Variants in COPS8 observed in about 807,000 individuals in gnomAD.
The protein encoded by COPS8 is COP9 signalosome subunit 8.
A neutral mutation model predicts 31.5 loss-of-function variants in COPS8; 11 were observed. The observed-to-expected ratio is 0.35, with a 90% CI of 0.22 to 0.58. COPS8 has a LOEUF of 0.58. Ranked by LOEUF, COPS8 falls within the 20% of genes least tolerant of loss-of-function variation. The pLI, the probability that COPS8 is intolerant of heterozygous loss-of-function variation, is 0.83. For missense variants in COPS8, 215 were observed against 255.1 expected (o/e 0.84, Z 1.07); for synonymous variants, 81 against 89.3 (o/e 0.91, Z 0.52).
chr2:237,095,751 C>T, intron 5 of COPS8, 71 bp from the exon 6 acceptor site: 1 of 1,010,772 alleles, frequency 9.9e-7, no homozygotes, highest in South Asian at 1.3e-5. Flanking sequence ...CAACTAATGT[C>T]ATGGACAAGT....
At position 237,099,585 on chromosome 2, in the gene COPS8, G is replaced by T. The variant is rs892972886; in HGVS notation, c.*1843G>T. The T allele has an allele frequency of 2.6e-5, 4 of 152,054 alleles. No homozygotes were observed. Among genetic ancestry groups the T allele is most frequent in the Non-Finnish European group, 5.9e-5 (4 of 67,994 alleles). 9.4% of individuals were successfully genotyped at this position (152,054 alleles called of 1,614,324 possible). On this transcript the variant is annotated 3_prime_UTR_variant, in exon 8 of 8. Transcript: ENST00000354371. ...ATTAGACCCCAGTAATCTTAAATTTGACATGGAAACCTCATTATATGCTTT... is the reference window on the plus strand; with the variant it reads ...ATTAGACCCCAGTAATCTTAAATTTTACATGGAAACCTCATTATATGCTTT...
chr2:237,096,803 A>ATTTTTTTTTT lies in COPS8; in HGVS notation c.503-18_503-9dup. ...ATGACTTCTGTAAATTGAGCTGTAC[A>ATTTTTTTTTT]TTTTTTTTTTGAATTTAGTTGCAGG... On this transcript the variant is annotated intron_variant, in intron 6 of 7. Transcript: ENST00000354371. 1 of 1,441,048 alleles carries ATTTTTTTTTT rather than the reference A, an allele frequency of 6.9e-7. No individual in the cohort carries two copies. Among genetic ancestry groups the ATTTTTTTTTT allele is most frequent in the Non-Finnish European group, 9.5e-7 (1 of 1,047,670 alleles). 89.3% of individuals were successfully genotyped at this position (1,441,048 alleles called of 1,614,324 possible).
In COPS8 at chr2:237,098,080, C is replaced by T. The variant is rs1453897338; in HGVS notation, c.*338C>T. Reference sequence around the variant, plus strand: ...GTCTTTTCTCTGTCCCAGCACATGCCGTACTCTTATATGTACCATTGGTTG... The same window carrying T: ...GTCTTTTCTCTGTCCCAGCACATGCTGTACTCTTATATGTACCATTGGTTG... On this transcript the variant is annotated 3_prime_UTR_variant, in exon 8 of 8. Coordinates refer to ENST00000354371, the MANE Select transcript of COPS8 (RefSeq NM_006710.5). The T allele has an allele frequency of 1.4e-5, 3 of 208,086 alleles. No individual in the cohort carries two copies. Among genetic ancestry groups the T allele is most frequent in the Non-Finnish European group, 2.9e-5 (3 of 101,754 alleles). The allele number at this position is 208,086 out of a possible 1,614,324, so 12.9% of individuals were successfully genotyped here. A position where few individuals can be genotyped will look rare whatever the true frequency, so the allele number is the denominator to read the frequency against.
chr2:237,091,965 C>T (rs1696712475), intron 4 of COPS8, among the ~76,000 whole-genome samples: 1 of 152,220 alleles, frequency 6.6e-6, no homozygotes, highest in African/African-American at 2.4e-5. Flanking sequence ...CGGCCAACCT[C>T]CCTGGCACAC....
rs1449042283 is a variant in COPS8 at position 237,093,963 on chromosome 2, A to C, written c.332-127A>C. 4 of 1,445,926 alleles carry C rather than the reference A, an allele frequency of 2.8e-6. No individual in the cohort carries two copies. In the African/African-American group the frequency reaches 5.7e-5, roughly 21 times the overall value. 89.6% of individuals were successfully genotyped at this position (1,445,926 alleles called of 1,614,324 possible). A position where few individuals can be genotyped will look rare whatever the true frequency, so the allele number is the denominator to read the frequency against. On this transcript the variant is annotated intron_variant, in intron 4 of 7. Coordinates refer to ENST00000354371, the MANE Select transcript of COPS8 (RefSeq NM_006710.5). ...CATATGTATTTGTATCTATAAGCAC[A>C]GAAATCTTTGGGTTCATCTGGCCTT...
Position 237,100,224 on chromosome 2 carries a change from G to A in COPS8, c.*2482G>A, listed in dbSNP as rs1477747122. The A allele has an allele frequency of 1.3e-5, 2 of 152,208 alleles. No homozygotes were observed. Among genetic ancestry groups the A allele is most frequent in the African/African-American group, 2.4e-5 (1 of 41,440 alleles). The allele number at this position is 152,208 out of a possible 1,614,324, so 9.4% of individuals were successfully genotyped here. On this transcript the variant is annotated 3_prime_UTR_variant, in exon 8 of 8. Transcript: ENST00000354371. ...TTGAGACCACAGGGTAAGAAATTGAGATTGAGCATGAAATATGTCCAGTAC... is the reference window on the plus strand; with the variant it reads ...TTGAGACCACAGGGTAAGAAATTGAAATTGAGCATGAAATATGTCCAGTAC...
intron 4 of COPS8, 38 bp downstream of exon 4, chr2:237,090,032 G>A: frequency 6.2e-7 from 1 of 1,606,268 alleles, no homozygotes. Context: ...AATTAGATGA[G>A]ACTTAGTCCC....
chr2:237,094,403 ATG>A (rs1460331852), intron 5 of COPS8, among the ~76,000 whole-genome samples: 1 of 152,072 alleles, frequency 6.6e-6, no homozygotes, highest in East Asian at 1.9e-4. Flanking sequence ...TAGCAAGCAA[ATG>A]TGTGAGTATC....
At position 237,097,758 on chromosome 2, in the gene COPS8, T is replaced by A. The variant is rs370004556; in HGVS notation, c.*16T>A. On this transcript the variant is annotated 3_prime_UTR_variant, in exon 8 of 8. Transcript: ENST00000354371. ...TGAAAACTGATTTATCACTCTGAGT[T>A]CAAGATTCATCTTCAGAATCCTGTA... is the stretch of plus-strand genomic sequence containing the variant. The A allele has an allele frequency of 7.0e-6, 11 of 1,571,440 alleles. No homozygotes were observed. Among genetic ancestry groups the A allele is most frequent in the Non-Finnish European group, 9.6e-6 (11 of 1,143,450 alleles).
At chr2:237,096,941 ATGTG>A in intron 7 of COPS8, 72 bp downstream of exon 7, 1 of 1,027,426 alleles carries the variant, frequency 9.7e-7, no homozygotes. Context: ...ATATATGTAT[ATGTG>A]TGTGTGAGTG....
chr2:237,096,211 A>G (rs1321519992), intron 6 of COPS8, among the ~76,000 whole-genome samples: 1 of 151,156 alleles, frequency 6.6e-6, no homozygotes, highest in Non-Finnish European at 1.5e-5. Context: ...GTCTGTATTA[A>G]AAAAAAATGT....
rs1483077031 is a variant in COPS8, at chr2:237,085,995, T to C, written c.31T>C (p.Phe11Leu). MPVAVMAESAFSFKKLLDQCE... is the reference protein window; with the variant it reads MPVAVMAESALSFKKLLDQCE... ...AGTGGCGGTGATGGCGGAAAGCGCC[T>C]TTAGTTTCAAAAAGTTGCTGGATCA... The change falls in exon 1 of 8, where the codon TTT becomes CTT. Residue 11 changes from phenylalanine to leucine, a missense_variant. Coordinates refer to ENST00000354371, the MANE Select transcript of COPS8 (RefSeq NM_006710.5). 6.2e-7 allele frequency: 1 copy of C among 1,613,270 alleles called. No homozygotes were observed. Among genetic ancestry groups the C allele is most frequent in the African/African-American group, 1.3e-5 (1 of 74,916 alleles).
intron 2 of COPS8, 104 bp downstream of exon 2, chr2:237,087,301 C>T: frequency 1.4e-6 from 1 of 708,046 alleles, no homozygotes; most frequent in Non-Finnish European, 2.4e-6. Context: ...CAACGAGCTA[C>T]CTTTTTTATT....
intron 6 of COPS8, among the ~76,000 whole-genome samples, chr2:237,096,437 C>A (rs1383849933): frequency 6.6e-6 from 1 of 152,206 alleles, no homozygotes; most frequent in East Asian, 1.9e-4. Context: ...TTCTCTTCCT[C>A]CTGCTGACCA....
chr2:237,098,667 C>T lies in COPS8; in HGVS notation c.*925C>T, dbSNP rs964272190. ...TTAGTTCATTTACTCTGCATTTGTT[C>T]AATAAATATTTAACTGAATTCTTCA... On this transcript the variant is annotated 3_prime_UTR_variant, in exon 8 of 8. Transcript: ENST00000354371. 4 of 152,108 alleles carry T rather than the reference C, an allele frequency of 2.6e-5. No individual in the cohort carries two copies. Among genetic ancestry groups the T allele is most frequent in the Non-Finnish European group, 5.9e-5 (4 of 68,012 alleles). 9.4% of individuals were successfully genotyped at this position (152,108 alleles called of 1,614,324 possible).
chr2:237,094,173 C>T lies in COPS8; in HGVS notation c.415C>T (p.Leu139Phe). 1.9e-6 allele frequency: 3 copies of T among 1,614,002 alleles called. No homozygotes were observed. The highest frequency in any genetic ancestry group is 2.5e-6 in the Non-Finnish European group (3 of 1,179,910). The change falls in exon 5 of 8, where the codon CTT (leucine) becomes TTT (phenylalanine). Residue 139 changes from leucine (L) to phenylalanine (F), a missense_variant. Leu to Phe is a conservative substitution (Grantham distance 22). Coordinates refer to ENST00000354371, the MANE Select transcript of COPS8 (RefSeq NM_006710.5). The part of the protein sequence containing the change: ...IADDFAAFVG[L>F]PVEEAVKGIL... ...CGATGATTTTGCAGCCTTTGTTGGACTTCCTGTAGAAGAGGCTGTGAAAGG... is the reference window on the plus strand; with the variant it reads ...CGATGATTTTGCAGCCTTTGTTGGATTTCCTGTAGAAGAGGCTGTGAAAGG...
intron 1 of COPS8, 108 bp downstream of exon 1, chr2:237,086,150 A>G: frequency 9.3e-7 from 1 of 1,072,906 alleles, no homozygotes; most frequent in Non-Finnish European, 1.4e-6. Flanking sequence ...TTGGGAGCTC[A>G]CGGGGCGGGC....
In COPS8 at chr2:237,095,871, G is replaced by T. The variant is rs939067739; in HGVS notation, c.489G>T (p.Leu163=). The change falls in exon 6 of 8, where the codon CTG becomes CTT. Residue 163 remains leucine (L), a synonymous_variant. Coordinates refer to ENST00000354371, the MANE Select transcript of COPS8 (RefSeq NM_006710.5). ...CTGATTCCACCACAAGAATGGTTCT[G>T]CCCAGAAAGCCAGGTAGGTGGAGCT... ...WQADSTTRMV[L]PRKPVAGALD... 2.5e-6 allele frequency: 4 copies of T among 1,612,788 alleles called. No homozygotes were observed. Among genetic ancestry groups the T allele is most frequent in the Non-Finnish European group, 3.4e-6 (4 of 1,178,840 alleles).
In COPS8 at chr2:237,099,057, A is replaced by G. The variant is rs974314485; in HGVS notation, c.*1315A>G. On this transcript the variant is annotated 3_prime_UTR_variant, in exon 8 of 8. Transcript: ENST00000354371. ...CTTCCAGGTATTAAGTACAAATTGT[A>G]TCCATGGTTATTTTTTAAAAGCAGA... The G allele has an allele frequency of 2.6e-5, 4 of 152,160 alleles. No individual in the cohort carries two copies. Among genetic ancestry groups the G allele is most frequent in the Non-Finnish European group, 4.4e-5 (3 of 68,018 alleles). 9.4% of individuals were successfully genotyped at this position (152,160 alleles called of 1,614,324 possible).
Sources: gnomAD v4.1 joint callset for allele counts (sites outside exome capture counted in the v4.1 genomes callset) on GRCh38, gnomAD v4.1.1 for gene constraint, MANE v1.5 for transcripts, NCBI Gene and HGNC (gene_info 2026-07-23, HGNC 2026-07-21) for gene names.